Variants in PPARGC1A observed in about 807,000 individuals in gnomAD.
The protein encoded by PPARGC1A is PPARG coactivator 1 alpha, also known as peroxisome proliferator-activated receptor gamma coactivator 1-alpha.
Under a neutral mutation model 88.7 loss-of-function variants are expected in PPARGC1A, and 25 were observed. The observed-to-expected ratio is 0.28, with a 90% CI of 0.21 to 0.39. The LOEUF (loss-of-function observed/expected upper bound fraction) is 0.39. Among genes scored for constraint, PPARGC1A ranks in the 10% least tolerant of loss-of-function variants. The pLI is 1.00. For missense variants in PPARGC1A, 880 were observed against 968.7 expected, an observed-to-expected ratio of 0.91 and a Z score of 1.22; for synonymous variants, 363 against 355.6, an observed-to-expected ratio of 1.02 and a Z score of -0.24.
At chr4:24,192,152 C>T in the PPARGC1A span, among the ~76,000 whole-genome samples, 1 of 152,088 alleles carries the variant, frequency 6.6e-6, no homozygotes, top group African/African-American at 2.4e-5. Context: ...GTGAAATATG[C>T]AATGGAGTGG....
chr4:24,049,555 G>C, the PPARGC1A span, among the ~76,000 whole-genome samples: 4 of 151,916 alleles, frequency 2.6e-5, no homozygotes, highest in African/African-American at 4.8e-5. Context: ...GACAAGGTGA[G>C]AATAGAGGAA....
chr4:23,953,007 C>T, the PPARGC1A span, among the ~76,000 whole-genome samples: 1 of 151,978 alleles, frequency 6.6e-6, no homozygotes, highest in African/African-American at 2.4e-5. Context: ...TTCCTTTCTT[C>T]CCCTATTGCC....
chr4:24,179,102 T>C, the PPARGC1A span, among the ~76,000 whole-genome samples: 20 of 152,166 alleles, frequency 1.3e-4, no homozygotes, highest in African/African-American at 2.7e-4. Context: ...AGTTAAGTTC[T>C]GTTCTGTAGA....
At chr4:24,054,320 A>C in the PPARGC1A span, among the ~76,000 whole-genome samples, 5 of 150,834 alleles carry the variant, frequency 3.3e-5, no homozygotes, top group Admixed American at 6.6e-5. Flanking sequence ...AAAAAAAAAA[A>C]AAAAAACACT....
chr4:23,796,769 A>G (rs570635865), intron 12 of PPARGC1A, among the ~76,000 whole-genome samples: 12 of 152,278 alleles, frequency 7.9e-5, no homozygotes, highest in Admixed American at 3.3e-4. Flanking sequence ...GAAATATAAT[A>G]AAAAGCCTCT....
intron 2 of PPARGC1A, among the ~76,000 whole-genome samples, chr4:23,870,546 G>A (rs1713082648): frequency 6.6e-6 from 1 of 152,124 alleles, no homozygotes; most frequent in South Asian, 2.1e-4. Context: ...TTCTTCAAAT[G>A]TCATATGTGC....
chr4:24,315,822 G>T, the PPARGC1A span, among the ~76,000 whole-genome samples: 1 of 152,128 alleles, frequency 6.6e-6, no homozygotes, highest in Admixed American at 6.5e-5. Context: ...CTTTTCTAAG[G>T]CTCGCATCAT....
chr4:24,346,690 G>T, the PPARGC1A span, among the ~76,000 whole-genome samples: 4 of 151,764 alleles, frequency 2.6e-5, no homozygotes, highest in African/African-American at 9.7e-5. Context: ...TCTTGCTAAT[G>T]GTCTATCAAT....
Position 23,884,695 on chromosome 4 carries a change from T to G in PPARGC1A, c.234+57A>C, listed in dbSNP as rs778598702. The G allele has an allele frequency of 3.3e-6, 5 of 1,493,306 alleles. No individual in the cohort carries two copies. In the Admixed American group the frequency reaches 5.5e-5, roughly 16 times the overall value. The allele number at this position is 1,493,306 out of a possible 1,614,324, so 92.5% of individuals were successfully genotyped here. On this transcript the variant is annotated intron_variant, in intron 2 of 12. Transcript: ENST00000264867. Reference sequence around the variant, plus strand: ...TATGCATTCAGGTCTATTACCATGTTAGTCGGGCCCAAGCCAAACTCAATG... The same window carrying G: ...TATGCATTCAGGTCTATTACCATGTGAGTCGGGCCCAAGCCAAACTCAATG...
chr4:24,124,068 C>A, the PPARGC1A span, among the ~76,000 whole-genome samples: 1 of 152,054 alleles, frequency 6.6e-6, no homozygotes, highest in Admixed American at 6.6e-5. Context: ...AGGGCTCTTT[C>A]TACATGCAGA....
the PPARGC1A span, among the ~76,000 whole-genome samples, chr4:24,405,343 A>G: frequency 6.6e-6 from 1 of 152,188 alleles, no homozygotes; most frequent in Non-Finnish European, 1.5e-5. Context: ...TTTTCCAACA[A>G]AAGTAATTGA....
At chr4:24,199,969 T>TATGCACCAACACGAGAATAGG in the PPARGC1A span, among the ~76,000 whole-genome samples, 2 of 152,194 alleles carry the variant, frequency 1.3e-5, no homozygotes, top group East Asian at 3.9e-4. Flanking sequence ...AAAACCTACA[T>TATGCACCAACACGAGAATAGG]ATGCACCAAC....
At chr4:24,309,342 T>A in the PPARGC1A span, among the ~76,000 whole-genome samples, 1 of 152,036 alleles carries the variant, frequency 6.6e-6, no homozygotes, top group African/African-American at 2.4e-5. Flanking sequence ...CAAAGATGCA[T>A]CCAAATCCCA....
At chr4:23,951,387 A>T in the PPARGC1A span, among the ~76,000 whole-genome samples, 1 of 152,142 alleles carries the variant, frequency 6.6e-6, no homozygotes, top group African/African-American at 2.4e-5. Flanking sequence ...AAAAGAGCAG[A>T]GTCTGGAACA....
the PPARGC1A span, among the ~76,000 whole-genome samples, chr4:24,356,648 C>A: frequency 2.0e-5 from 3 of 152,266 alleles, no homozygotes; most frequent in East Asian, 5.8e-4. Flanking sequence ...GTCTCTGGGC[C>A]CTGTCCTTTG....
the PPARGC1A span, among the ~76,000 whole-genome samples, chr4:23,940,879 A>T: frequency 6.6e-6 from 1 of 152,138 alleles, no homozygotes; most frequent in Admixed American, 6.6e-5. Context: ...CTACAAAAAA[A>T]ATTTAGCTCA....
the PPARGC1A span, among the ~76,000 whole-genome samples, chr4:24,349,562 C>T: frequency 1.3e-5 from 2 of 152,086 alleles, no homozygotes; most frequent in African/African-American, 4.8e-5. Flanking sequence ...CTGAGTCATG[C>T]AGGTTGTCAG....
the PPARGC1A span, among the ~76,000 whole-genome samples, chr4:24,097,908 T>G: frequency 6.6e-6 from 1 of 152,158 alleles, no homozygotes; most frequent in Non-Finnish European, 1.5e-5. Flanking sequence ...TCTACTTGTG[T>G]CTCTTGGCTC....
chr4:24,313,729 C>T, the PPARGC1A span, among the ~76,000 whole-genome samples: 2 of 152,130 alleles, frequency 1.3e-5, no homozygotes, highest in Non-Finnish European at 2.9e-5. Flanking sequence ...CTTTATGGAA[C>T]ATTTATATTA....
Sources: allele counts gnomAD v4.1 joint callset (sites outside exome capture counted in the v4.1 genomes callset), GRCh38; gene constraint gnomAD v4.1.1; transcripts MANE v1.5; gene names NCBI Gene and HGNC (gene_info 2026-07-23, HGNC 2026-07-21).